ELSPBP1: variants seen among roughly 807,000 people sequenced by gnomAD.
ELSPBP1 encodes the protein epididymal sperm-binding protein 1.
ELSPBP1 carries 38 observed loss-of-function variants against 33.3 expected under a neutral mutation model. The ratio of observed to expected loss-of-function variants is 1.14; its 90% CI spans 0.88 to 1.50. The LOEUF is 1.50. Ranked by LOEUF, ELSPBP1 falls within the 40% of genes most tolerant of loss-of-function variation. ELSPBP1 has a pLI of 0.00. For missense variants in ELSPBP1, 267 were observed against 263.5 expected (o/e 1.01, Z -0.09); for synonymous variants, 85 against 94.1 (o/e 0.90, Z 0.56).
chr19:48,007,495 G>A (rs1054609541), intron 1 of ELSPBP1, among the ~76,000 whole-genome samples: 10 of 152,148 alleles, frequency 6.6e-5, no homozygotes, highest in Non-Finnish European at 7.3e-5. Flanking sequence ...GGAGCCAGCC[G>A]TAGAAGTGGT....
intron 1 of ELSPBP1, among the ~76,000 whole-genome samples, chr19:47,998,410 CAAAAAAAA>C (rs903504339): frequency 6.7e-6 from 1 of 150,044 alleles, no homozygotes; most frequent in African/African-American, 2.5e-5. Context: ...GACTCCATCT[CAAAAAAAA>C]GAAAAAAAAT....
chr19:48,008,646 C>T lies in ELSPBP1; in HGVS notation c.-17-5C>T, dbSNP rs1367999380. The T allele has an allele frequency of 3.0e-5, 48 of 1,611,592 alleles. No individual in the cohort carries two copies. The highest frequency in any genetic ancestry group is 3.7e-5 in the Non-Finnish European group (44 of 1,178,438). ...GGATGAAAATTTTTGTCTTCTTTTC[C>T]ACAGAGAAGAGGGCAGCCAAGATGA... On this transcript the variant is annotated splice_polypyrimidine_tract_variant and splice_region_variant and intron_variant, in intron 1 of 6. Coordinates refer to ENST00000339841, the MANE Select transcript of ELSPBP1 (RefSeq NM_022142.5).
At position 47,998,704 on chromosome 19, in the gene ELSPBP1, G is replaced by A. The variant is rs1010893643; in HGVS notation, c.-18+3893G>A. 1.3e-5 allele frequency among the ~76,000 whole-genome samples: 2 copies of A among 151,276 alleles called. 1 individual carries two copies. The highest frequency in any genetic ancestry group is 3.9e-4 in the East Asian group (2 of 5,128). Reference sequence around the variant, plus strand: ...CGGGAGGCTGAGGCAGGAGAATGGCGTGGACCCGGGAGGCGGAGCTTGCAG... The same window carrying A: ...CGGGAGGCTGAGGCAGGAGAATGGCATGGACCCGGGAGGCGGAGCTTGCAG... On this transcript the variant is annotated intron_variant, in intron 1 of 6. Coordinates refer to ENST00000339841, the MANE Select transcript of ELSPBP1 (RefSeq NM_022142.5).
At position 48,011,357 on chromosome 19, in the gene ELSPBP1, GA is replaced by G. The variant is rs1967076401; in HGVS notation, c.70+2621del. On this transcript the variant is annotated intron_variant, in intron 2 of 6. Transcript: ENST00000339841. The surrounding 1 kb of genome is among the most constrained non-coding windows in gnomAD (Gnocchi z 4.5). ...TGATGATGATGACAATTATGACGAT[GA>G]TGATGATGATGGTGACAATGATGAT... 1.3e-5 allele frequency among the ~76,000 whole-genome samples: 2 copies of G among 151,502 alleles called. No homozygotes were observed. The highest frequency in any genetic ancestry group is 4.9e-5 in the African/African-American group (2 of 41,204).
At chr19:48,001,173 CTGTT>C (rs1243850851) in intron 1 of ELSPBP1, among the ~76,000 whole-genome samples, 6 of 140,034 alleles carry the variant, frequency 4.3e-5, no homozygotes, top group South Asian at 2.2e-4. Flanking sequence ...GCCTCTCTCT[CTGTT>C]TTTTTTTTTT....
At chr19:48,002,422 A>G (rs1051377510) in intron 1 of ELSPBP1, among the ~76,000 whole-genome samples, 6 of 152,204 alleles carry the variant, frequency 3.9e-5, no homozygotes. Flanking sequence ...TATAAGCATG[A>G]CACTGCAGGT....
chr19:48,007,797 T>C (rs1050147053), intron 1 of ELSPBP1, among the ~76,000 whole-genome samples: 7 of 152,190 alleles, frequency 4.6e-5, no homozygotes, highest in African/African-American at 1.7e-4. Context: ...GACCCTGCCC[T>C]TTCCTCCCTG....
intron 6 of ELSPBP1, among the ~76,000 whole-genome samples, chr19:48,023,010 C>A (rs189707096): frequency 2.4e-4 from 36 of 151,806 alleles, no homozygotes; most frequent in African/African-American, 8.2e-4. Flanking sequence ...CACCACTGTA[C>A]CCCAGCCTGG....
chr19:48,003,862 A>C lies in ELSPBP1; in HGVS notation c.-17-4789A>C, dbSNP rs528777915. On this transcript the variant is annotated intron_variant, in intron 1 of 6. Coordinates refer to ENST00000339841, the MANE Select transcript of ELSPBP1 (RefSeq NM_022142.5). ...TGTCCGGCCCACTCCTCCTCACTTT[A>C]ACCCCTCCCGTGGCTTCTGGTTGCT... Among the ~76,000 whole-genome samples, 5 of 151,340 alleles carry C rather than the reference A, an allele frequency of 3.3e-5. No individual in the cohort carries two copies. The East Asian group carries it at 9.8e-4, about 30-fold the overall frequency.
intron 3 of ELSPBP1, among the ~76,000 whole-genome samples, chr19:48,015,141 A>C (rs1287957887): frequency 2.0e-5 from 3 of 152,238 alleles, no homozygotes; most frequent in Non-Finnish European, 2.9e-5. Context: ...TAGAGAAAAG[A>C]AAATGTTAAT....
chr19:48,016,286 C>A lies in ELSPBP1; in HGVS notation c.355+247C>A, dbSNP rs190681364. 2.0e-4 allele frequency among the ~76,000 whole-genome samples: 30 copies of A among 152,282 alleles called. No individual in the cohort carries two copies. In the East Asian group the frequency reaches 5.6e-3, roughly 28 times the overall value. ...GAGAACTGAAACAATGAGCTGAAGT[C>A]CTGATATTGGCTTCTGAGTATTTCT... is the stretch of plus-strand genomic sequence containing the variant. On this transcript the variant is annotated intron_variant, in intron 4 of 6. Coordinates refer to ENST00000339841, the MANE Select transcript of ELSPBP1 (RefSeq NM_022142.5).
rs769901935 is a variant in ELSPBP1, at chr19:48,019,781, G to C, written c.418G>C (p.Val140Leu). 2.0e-5 allele frequency: 33 copies of C among 1,613,850 alleles called. No homozygotes were observed. Among genetic ancestry groups the C allele is most frequent in the Non-Finnish European group, 1.7e-6 (2 of 1,179,978 alleles). Residue 140 changes from valine to leucine, a missense_variant, in exon 5 of 7, where the codon GTC (valine) becomes CTC (leucine). By Grantham distance (32) the Val-to-Leu change is conservative. Transcript: ENST00000339841. ...IFPSIYRNNV[V>L]SDCMEDESNK... ...CCCCTCCATCTACAGAAATAATGTG[G>C]TCTCTGATTGCATGGAGGATGAAAG...
rs1381803924 is a variant in ELSPBP1 at position 48,011,068 on chromosome 19, GATGACGGTA to G, written c.70+2336_70+2344del. On this transcript the variant is annotated intron_variant, in intron 2 of 6. Coordinates refer to ENST00000339841, the MANE Select transcript of ELSPBP1 (RefSeq NM_022142.5). The surrounding 1 kb of genome is among the most constrained non-coding windows in gnomAD (Gnocchi z 4.5). Reference sequence around the variant, plus strand: ...ATGATGATATGACGATGATGACAATGATGACGGTAATGATGACAACAATAATAGCGACAA... The same window carrying G: ...ATGATGATATGACGATGATGACAATGATGATGACAACAATAATAGCGACAA... Among the ~76,000 whole-genome samples, 2 of 150,644 alleles carry G rather than the reference GATGACGGTA, an allele frequency of 1.3e-5. No individual in the cohort carries two copies. The highest frequency in any genetic ancestry group is 3.0e-5 in the Non-Finnish European group (2 of 67,616).
rs1355879844 is a variant in ELSPBP1, at chr19:48,015,810, T to C, written c.209-83T>C. On this transcript the variant is annotated intron_variant, in intron 3 of 6. Transcript: ENST00000339841. ...TGAACCTTATGTCTGTCCTGTCCTA[T>C]GATGGTTGATTGATGATTAAATGAC... is the stretch of plus-strand genomic sequence containing the variant. 8 of 1,341,458 alleles carry C rather than the reference T, an allele frequency of 6.0e-6. No individual in the cohort carries two copies. The East Asian group carries it at 9.3e-5, about 16-fold the overall frequency. The allele number at this position is 1,341,458 out of a possible 1,614,324, so 83.1% of individuals were successfully genotyped here. A position where few individuals can be genotyped will look rare whatever the true frequency, so the allele number is the denominator to read the frequency against.
chr19:48,015,422 G>A (rs181014114), intron 3 of ELSPBP1, among the ~76,000 whole-genome samples: 308 of 152,246 alleles, frequency 2.0e-3, no homozygotes, highest in African/African-American at 6.6e-3. Flanking sequence ...TTGGGAGGCC[G>A]AGGCGGGTGG....
At chr19:48,012,389 A>C (rs370791541) in intron 2 of ELSPBP1, among the ~76,000 whole-genome samples, 1 of 152,128 alleles carries the variant, frequency 6.6e-6, no homozygotes, top group African/African-American at 2.4e-5. Flanking sequence ...AAGTGCTGGG[A>C]TTACAGGCAT....
chr19:48,001,571 T>G (rs1966968351), intron 1 of ELSPBP1, among the ~76,000 whole-genome samples: 1 of 151,988 alleles, frequency 6.6e-6, no homozygotes, highest in African/African-American at 2.4e-5. Context: ...ACACTCCTTT[T>G]TTTGAGACAG....
At chr19:48,013,982 G>T (rs1485813192) in intron 2 of ELSPBP1, among the ~76,000 whole-genome samples, 189 bp from the exon 3 acceptor site, 1 of 152,032 alleles carries the variant, frequency 6.6e-6, no homozygotes, top group Non-Finnish European at 1.5e-5. Flanking sequence ...CTGCCCTTAC[G>T]ACCTAATCAC....
chr19:48,009,051 G>A (rs1023111141), intron 2 of ELSPBP1, among the ~76,000 whole-genome samples: 20 of 150,992 alleles, frequency 1.3e-4, no homozygotes, highest in Middle Eastern at 3.4e-3. Context: ...CAGGAGAATC[G>A]CTTGAACCCA....
Sources: gnomAD v4.1 joint callset for allele counts (sites outside exome capture counted in the v4.1 genomes callset) on GRCh38, gnomAD v4.1.1 for gene constraint, Gnocchi (gnomAD v3.1) non-coding constraint, MANE v1.5 for transcripts, NCBI Gene and HGNC (gene_info 2026-07-23, HGNC 2026-07-21) for gene names.